EP400: variants seen among roughly 807,000 people sequenced by gnomAD.
EP400 encodes E1A binding protein p400, also known as E1A-binding protein p400.
Under a neutral mutation model 354.1 loss-of-function variants are expected in EP400, and 105 were observed. The ratio of observed to expected loss-of-function variants is 0.30; its 90% CI spans 0.25 to 0.35. EP400 has a LOEUF of 0.35. Among genes scored for constraint, EP400 ranks in the 10% least tolerant of loss-of-function variants. The pLI is 1.00. For synonymous variants in EP400, 1,646 were observed against 1,716.9 expected (o/e 0.96, Z 1.02); for missense variants, 3,280 against 4,121.0 (o/e 0.80, Z 5.59).
Position 132,077,843 on chromosome 12 carries a change from C to A in EP400, c.*170C>A. 2 of 908,650 alleles carry A rather than the reference C, an allele frequency of 2.2e-6. No individual in the cohort carries two copies. Among genetic ancestry groups the A allele is most frequent in the Non-Finnish European group, 3.2e-6 (2 of 621,034 alleles). The allele number at this position is 908,650 out of a possible 1,614,324, so 56.3% of individuals were successfully genotyped here. ...TTAAAATGCATCCCACACTGCAGGA[C>A]AAATGGTCCTTATGGAGTGCCGCGT... On this transcript the variant is annotated 3_prime_UTR_variant, in exon 53 of 53. Coordinates refer to ENST00000389561, the MANE Select transcript of EP400 (RefSeq NM_015409.5).
In EP400 at chr12:132,062,506, A is replaced by T; in HGVS notation, c.8139A>T (p.Ala2713=). ...VQLPGKTITP[A]HFQLLRQQQQ... is the part of the protein sequence containing the mutation. ...TCCCTGGAAAAACCATCACACCTGC[A>T]CATTTCCAGCTTCTCAGGCAGCAGC... The change falls in exon 47 of 53, where the codon GCA becomes GCT. Residue 2713 remains alanine (A), a synonymous_variant. Transcript: ENST00000389561. 1 of 1,612,270 alleles carries T rather than the reference A, an allele frequency of 6.2e-7. No homozygotes were observed. Among genetic ancestry groups the T allele is most frequent in the Non-Finnish European group, 8.5e-7 (1 of 1,179,368 alleles).
At chr12:131,985,073 C>G (rs1421316046) in intron 5 of EP400, among the ~76,000 whole-genome samples, 1 of 151,588 alleles carries the variant, frequency 6.6e-6, no homozygotes, top group Admixed American at 6.6e-5. Context: ...CCAGGCTGGT[C>G]TGAAACTCCT....
chr12:132,044,563 G>T, intron 35 of EP400, 108 bp from the exon 36 acceptor site: 1 of 1,369,286 alleles, frequency 7.3e-7, no homozygotes, highest in South Asian at 1.2e-5. Flanking sequence ...TAGTCATGTT[G>T]ATCAGAACTT....
At chr12:132,022,291 T>C (rs1252541317) in intron 23 of EP400, among the ~76,000 whole-genome samples, 1 of 152,218 alleles carries the variant, frequency 6.6e-6, no homozygotes, top group Admixed American at 6.5e-5. Context: ...CAAAACTGCT[T>C]TTCCTGTGGG....
Position 131,991,470 on chromosome 12 carries a change from T to A in EP400, c.2679+14T>A. 1.9e-6 allele frequency: 3 copies of A among 1,613,870 alleles called. No homozygotes were observed. Among genetic ancestry groups the A allele is most frequent in the Non-Finnish European group, 2.5e-6 (3 of 1,179,796 alleles). Reference sequence around the variant, plus strand: ...GAAAGTTCTCTGGTAAGTTTGGGGTTGTTACTGTGCTGTGTGAGAAGGAGT... The same window carrying A: ...GAAAGTTCTCTGGTAAGTTTGGGGTAGTTACTGTGCTGTGTGAGAAGGAGT... On this transcript the variant is annotated intron_variant, in intron 10 of 52. Coordinates refer to ENST00000389561, the MANE Select transcript of EP400 (RefSeq NM_015409.5).
intron 34 of EP400, 30 bp from the exon 35 acceptor site, chr12:132,044,146 TC>T (rs1192417292): frequency 1.2e-6 from 2 of 1,611,544 alleles, no homozygotes; most frequent in Non-Finnish European, 1.7e-6. Flanking sequence ...GCACTCCTGA[TC>T]CTGAAAGTTC....
At chr12:131,991,519 C>A in intron 10 of EP400, 63 bp downstream of exon 10, 2 of 1,415,928 alleles carry the variant, frequency 1.4e-6, no homozygotes, top group Non-Finnish European at 2.0e-6. Context: ...GTAGAGTGGG[C>A]CTTTTCATTC....
chr12:132,014,548 G>GA (rs896684077), intron 19 of EP400, among the ~76,000 whole-genome samples: 2 of 152,026 alleles, frequency 1.3e-5, no homozygotes, highest in South Asian at 2.1e-4. Flanking sequence ...GAGTTTAGAT[G>GA]AAAAAAACAC....
intron 39 of EP400, among the ~76,000 whole-genome samples, chr12:132,049,204 A>G (rs916670044): frequency 1.2e-4 from 18 of 152,344 alleles, no homozygotes; most frequent in Admixed American, 1.2e-3. Context: ...GCCTGGTTAG[A>G]GCCTGCACAG....
rs770403634 is a variant in EP400 at position 132,007,452 on chromosome 12, T to G, written c.3304+575T>G. ...TGGCTCTTCACCCTCCTGACACTTC[T>G]AGCTGGTACACAGCTTGTGTAGGCC... On this transcript the variant is annotated intron_variant, in intron 15 of 52. Transcript: ENST00000389561. Among the ~76,000 whole-genome samples, 5 of 151,516 alleles carry G rather than the reference T, an allele frequency of 3.3e-5. 1 individual carries two copies. The highest frequency in any genetic ancestry group is 7.3e-5 in the Non-Finnish European group (5 of 68,044).
chr12:132,030,127 T>G lies in EP400; in HGVS notation c.5723T>G (p.Ile1908Ser). The stretch of plus-strand genomic sequence containing the variant: ...TTCCATTACCTCACCTATGTAAGAA[T>G]CGATGAAAATGCCAGCAGTGAGCAA... The part of the protein sequence containing the change: ...LNFHYLTYVR[I>S]DENASSEQRQ... The change falls in exon 29 of 53, where the codon ATC becomes AGC. Residue 1908 changes from isoleucine to serine, a missense_variant. Ile to Ser is a moderately radical substitution (Grantham distance 142). Transcript: ENST00000389561. 6.2e-7 allele frequency: 1 copy of G among 1,614,218 alleles called. No individual in the cohort carries two copies. The highest frequency in any genetic ancestry group is 8.5e-7 in the Non-Finnish European group (1 of 1,180,034).
In EP400 at chr12:132,070,825, G is replaced by T. The variant is rs947650354; in HGVS notation, c.9021+1184G>T. 2.0e-5 allele frequency among the ~76,000 whole-genome samples: 3 copies of T among 152,102 alleles called. No homozygotes were observed. The highest frequency in any genetic ancestry group is 7.2e-5 in the African/African-American group (3 of 41,396). On this transcript the variant is annotated intron_variant, in intron 51 of 52. Transcript: ENST00000389561. This position sits in a 1 kb window ranked among gnomAD's most constrained non-coding sequence, Gnocchi z 4.1. ...GCAATCAGTATTTTTTGATGCTTTT[G>T]TAAATGGTATGCTTTTAATTTCCAT... is the stretch of plus-strand genomic sequence containing the variant.
intron 30 of EP400, among the ~76,000 whole-genome samples, chr12:132,035,498 C>T (rs1894663449): frequency 2.0e-5 from 3 of 152,198 alleles, no homozygotes; most frequent in Admixed American, 6.5e-5. Flanking sequence ...CACGAAGTGA[C>T]GGTACATGGA....
chr12:131,990,926 T>C lies in EP400; in HGVS notation c.2629+212T>C, dbSNP rs760454540. On this transcript the variant is annotated intron_variant, in intron 9 of 52. Transcript: ENST00000389561. The surrounding 1 kb of genome is among the most constrained non-coding windows in gnomAD (Gnocchi z 4.2). ...GCTAGTGTGAGTCAGCACCCCCAAG[T>C]TGATAAACTCTGGGACACAGAACTG... is the stretch of plus-strand genomic sequence containing the variant. Among the ~76,000 whole-genome samples, 4 of 152,184 alleles carry C rather than the reference T, an allele frequency of 2.6e-5. No individual in the cohort carries two copies. Among genetic ancestry groups the C allele is most frequent in the African/African-American group, 9.6e-5 (4 of 41,456 alleles).
intron 30 of EP400, among the ~76,000 whole-genome samples, chr12:132,036,829 G>A (rs1424089397): frequency 6.6e-6 from 1 of 152,234 alleles, no homozygotes; most frequent in African/African-American, 2.4e-5. Flanking sequence ...GTTTGCTGTT[G>A]ATGAAGTTGT....
At chr12:131,985,887 C>T (rs537976847) in intron 5 of EP400, among the ~76,000 whole-genome samples, 1 of 152,198 alleles carries the variant, frequency 6.6e-6, no homozygotes, top group Admixed American at 6.5e-5. Context: ...GTATTATAGG[C>T]GTGAGCCACT....
rs1466779705 is a variant in EP400, at chr12:131,986,578, C to T, written c.1994C>T (p.Ser665Phe). ...CCCTGCCCACGGCCTCTGCCCACCT[C>T]TTCTACCTCGTCCCTCGCGCCTGTG... is the stretch of plus-strand genomic sequence containing the variant. ...APPCPRPLPT[S>F]STSSLAPVSG... Residue 665 changes from serine (S) to phenylalanine (F), a missense_variant, in exon 6 of 53, where the codon TCT becomes TTT. Ser to Phe is a radical substitution (Grantham distance 155, BLOSUM62 -2). Coordinates refer to ENST00000389561, the MANE Select transcript of EP400 (RefSeq NM_015409.5). 1 of 1,613,908 alleles carries T rather than the reference C, an allele frequency of 6.2e-7. No homozygotes were observed. The highest frequency in any genetic ancestry group is 1.3e-5 in the African/African-American group (1 of 74,928).
At chr12:131,998,665 T>A (rs1198671527) in intron 12 of EP400, among the ~76,000 whole-genome samples, 1 of 142,508 alleles carries the variant, frequency 7.0e-6, no homozygotes, top group East Asian at 2.2e-4. Flanking sequence ...ATACAAAGAC[T>A]TTGTATACAG....
chr12:132,017,185 G>A lies in EP400; in HGVS notation c.3924-350G>A, dbSNP rs554410126. ...GGCGTCAGAGCTGCCGAGCGGGTGTGTGAGGGGCTTTACTCTGCTGCGCTC... is the reference window on the plus strand; with the variant it reads ...GGCGTCAGAGCTGCCGAGCGGGTGTATGAGGGGCTTTACTCTGCTGCGCTC... On this transcript the variant is annotated intron_variant, in intron 19 of 52. Coordinates refer to ENST00000389561, the MANE Select transcript of EP400 (RefSeq NM_015409.5). This position sits in a 1 kb window ranked among gnomAD's most constrained non-coding sequence, Gnocchi z 5.0. Among the ~76,000 whole-genome samples, 6 of 152,344 alleles carry A rather than the reference G, an allele frequency of 3.9e-5. No homozygotes were observed. In the East Asian group the frequency reaches 1.2e-3, roughly 29 times the overall value.
Sources: allele counts gnomAD v4.1 joint callset (sites outside exome capture counted in the v4.1 genomes callset), GRCh38; gene constraint gnomAD v4.1.1; non-coding constraint Gnocchi (gnomAD v3.1); transcripts MANE v1.5; gene names NCBI Gene and HGNC (gene_info 2026-07-23, HGNC 2026-07-21).